The following ACTN1 variants were observed in gnomAD, a reference collection of about 807,000 sequenced individuals.
ACTN1 encodes the protein actinin alpha 1, also known as alpha-actinin-1.
Under a neutral mutation model 119.6 loss-of-function variants are expected in ACTN1, and 30 were observed. That is an observed-to-expected ratio of 0.25 (90% CI 0.19 to 0.34). The LOEUF is 0.34. Ranked by LOEUF, ACTN1 falls within the 10% of genes least tolerant of loss-of-function variation. The pLI, the probability that ACTN1 is intolerant of heterozygous loss-of-function variation, is 1.00. For synonymous variants in ACTN1, 429 were observed against 472.6 expected (o/e 0.91, Z 1.20); for missense variants, 764 against 1,223.4 (o/e 0.62, Z 5.60).
At chr14:68,967,029 A>G (rs746892891) in intron 1 of ACTN1, among the ~76,000 whole-genome samples, 119 of 152,316 alleles carry the variant, frequency 7.8e-4, no homozygotes, top group Middle Eastern at 3.4e-3. Context: ...GCCAGTTCCA[A>G]CCAGCCTACC....
intron 1 of ACTN1, among the ~76,000 whole-genome samples, chr14:68,938,365 T>C (rs2035624667): frequency 6.6e-6 from 1 of 152,028 alleles, no homozygotes. Context: ...GGGGTGCACC[T>C]TGGACTTTGG....
At chr14:68,913,658 G>C (rs944175226) in intron 3 of ACTN1, among the ~76,000 whole-genome samples, 10 of 152,194 alleles carry the variant, frequency 6.6e-5, no homozygotes, top group South Asian at 6.2e-4. Flanking sequence ...CCAGGGGAGC[G>C]GGTAACCTGC....
rs1451454491 is a variant in ACTN1, at chr14:68,874,815, G to A, written c.*44C>T. ...GAGATGGGCGACGGCGGAGGTGCAA[G>A]GCAGGGCACGGCGCACAAGACGAGG... On this transcript the variant is annotated 3_prime_UTR_variant, in exon 22 of 22. Transcript: ENST00000394419. 4 of 1,508,092 alleles carry A rather than the reference G, an allele frequency of 2.7e-6. No homozygotes were observed. The highest frequency in any genetic ancestry group is 3.6e-6 in the Non-Finnish European group (4 of 1,123,616). 93.4% of individuals were successfully genotyped at this position (1,508,092 alleles called of 1,614,324 possible).
At chr14:68,881,088 A>G (rs2031466465) in intron 16 of ACTN1, 99 bp from the exon 17 acceptor site, 1 of 1,209,596 alleles carries the variant, frequency 8.3e-7, no homozygotes, top group Admixed American at 2.1e-5. Flanking sequence ...CCCTCAAATG[A>G]TTCTCAGTTC....
chr14:68,930,380 G>A (rs766486451), intron 1 of ACTN1, among the ~76,000 whole-genome samples: 2 of 152,320 alleles, frequency 1.3e-5, no homozygotes, highest in Non-Finnish European at 2.9e-5. Flanking sequence ...AGTTCCTACC[G>A]TCATCATCAC....
intron 3 of ACTN1, among the ~76,000 whole-genome samples, chr14:68,916,546 G>C (rs941771994): frequency 6.6e-6 from 1 of 152,294 alleles, no homozygotes; most frequent in East Asian, 1.9e-4. Context: ...CCCAGCCCCA[G>C]TTCCCACCTG....
chr14:68,891,384 G>C (rs564055558), intron 10 of ACTN1, among the ~76,000 whole-genome samples: 1 of 152,294 alleles, frequency 6.6e-6, no homozygotes, highest in African/African-American at 2.4e-5. Context: ...TGTAAGATTG[G>C]GGGTTTTCCT....
intron 1 of ACTN1, among the ~76,000 whole-genome samples, chr14:68,967,044 G>A (rs1293567625): frequency 6.6e-6 from 1 of 152,208 alleles, no homozygotes; most frequent in Non-Finnish European, 1.5e-5. Flanking sequence ...CCTACCATTG[G>A]ACGCACCAGC....
chr14:68,915,033 T>C (rs2034209374), intron 3 of ACTN1, among the ~76,000 whole-genome samples: 1 of 152,208 alleles, frequency 6.6e-6, no homozygotes. Flanking sequence ...GTAAGGTTCC[T>C]GAATGAATGC....
intron 1 of ACTN1, among the ~76,000 whole-genome samples, chr14:68,945,054 TA>T (rs1265519683): frequency 6.6e-6 from 1 of 151,004 alleles, no homozygotes; most frequent in Non-Finnish European, 1.5e-5. Context: ...TAATCCCAGC[TA>T]CTCAAAAGGC....
intron 3 of ACTN1, among the ~76,000 whole-genome samples, chr14:68,915,289 C>T (rs1364289066): frequency 2.0e-5 from 3 of 151,510 alleles, no homozygotes; most frequent in African/African-American, 4.9e-5. Context: ...TCCTCCTCCC[C>T]GTCCCCCCTG....
At chr14:68,923,230 C>T (rs978810786) in intron 2 of ACTN1, among the ~76,000 whole-genome samples, 3 of 152,164 alleles carry the variant, frequency 2.0e-5, no homozygotes, top group Non-Finnish European at 4.4e-5. Context: ...CCCCAAGGAG[C>T]TCAGTGTGGA....
intron 1 of ACTN1, among the ~76,000 whole-genome samples, chr14:68,929,781 C>A (rs1003324973): frequency 1.3e-5 from 2 of 152,132 alleles, no homozygotes; most frequent in Admixed American, 6.5e-5. Flanking sequence ...GAGGGAGGGG[C>A]CGCAAAACAG....
At chr14:68,877,811 G>C (rs2031066504) in intron 20 of ACTN1, 1 of 156,722 alleles carries the variant, frequency 6.4e-6, no homozygotes, top group Non-Finnish European at 1.4e-5. Flanking sequence ...CCTTGTAACA[G>C]TCCTGTAGGG....
intron 4 of ACTN1, 55 bp from the exon 5 acceptor site, chr14:68,910,097 G>C (rs2033915761): frequency 6.8e-7 from 1 of 1,480,188 alleles, no homozygotes; most frequent in Non-Finnish European, 9.4e-7. Context: ...TGGAGGGAGG[G>C]ATGCCGGCTC....
At chr14:68,967,654 G>A (rs527579259) in intron 1 of ACTN1, among the ~76,000 whole-genome samples, 2 of 152,334 alleles carry the variant, frequency 1.3e-5, no homozygotes, top group East Asian at 1.9e-4. Flanking sequence ...CCTAGCCCAG[G>A]TACTAACTGG....
chr14:68,950,462 G>GTGTGTATATATGTGTATATA, intron 1 of ACTN1, among the ~76,000 whole-genome samples: 8 of 125,918 alleles, frequency 6.4e-5, no homozygotes, highest in African/African-American at 3.3e-4. Context: ...ATGCGTGTGT[G>GTGTGTATATATGTGTATATA]TATATATATA....
At chr14:68,952,182 C>T (rs1052379914) in intron 1 of ACTN1, among the ~76,000 whole-genome samples, 7 of 152,212 alleles carry the variant, frequency 4.6e-5, no homozygotes, top group African/African-American at 7.2e-5. Flanking sequence ...GACCTTCCAG[C>T]GCTGGTAGTC....
intron 3 of ACTN1, among the ~76,000 whole-genome samples, chr14:68,916,640 C>T (rs1158455097): frequency 6.6e-6 from 1 of 152,186 alleles, no homozygotes; most frequent in East Asian, 1.9e-4. Context: ...ACGTTTGCAG[C>T]AGGGGTGCCT....
Sources: gnomAD v4.1 joint callset for allele counts (sites outside exome capture counted in the v4.1 genomes callset) on GRCh38, gnomAD v4.1.1 for gene constraint, MANE v1.5 for transcripts, NCBI Gene and HGNC (gene_info 2026-07-23, HGNC 2026-07-21) for gene names.